PARD3B: variants seen among roughly 807,000 people sequenced by gnomAD.
PARD3B encodes the protein par-3 family cell polarity regulator beta.
Under a neutral mutation model 130.2 loss-of-function variants are expected in PARD3B, and 103 were observed. That is an observed-to-expected ratio of 0.79 (90% CI 0.67 to 0.93). PARD3B has a LOEUF of 0.93. Ranked by LOEUF, PARD3B falls within the 40% of genes least tolerant of loss-of-function variation. The pLI is 0.00. For synonymous variants in PARD3B, 583 were observed against 553.2 expected (o/e 1.05, Z -0.76); for missense variants, 1,609 against 1,499.2 (o/e 1.07, Z -1.21).
chr2:204,599,526 T>G (rs1312002736), intron 1 of PARD3B, among the ~76,000 whole-genome samples: 1 of 152,018 alleles, frequency 6.6e-6, no homozygotes, highest in Non-Finnish European at 1.5e-5. Flanking sequence ...ATTTTATCCT[T>G]TTTTATGGCT....
chr2:205,576,390 T>G (rs1304850260), intron 22 of PARD3B, among the ~76,000 whole-genome samples: 1 of 152,110 alleles, frequency 6.6e-6, no homozygotes, highest in Non-Finnish European at 1.5e-5. Context: ...TCATCTAGGT[T>G]TTCTCCTATT....
intron 21 of PARD3B, among the ~76,000 whole-genome samples, chr2:205,523,853 A>G (rs1344360316): frequency 6.9e-6 from 1 of 144,298 alleles, no homozygotes; most frequent in Non-Finnish European, 1.5e-5. Context: ...TTAGTTCAGG[A>G]AGAATAGGCA....
intron 19 of PARD3B, among the ~76,000 whole-genome samples, chr2:205,435,841 G>A (rs149877945): frequency 9.2e-5 from 14 of 151,954 alleles, no homozygotes; most frequent in African/African-American, 3.1e-4. Context: ...CAGATATTTA[G>A]TCTTAGTTTT....
intron 13 of PARD3B, among the ~76,000 whole-genome samples, chr2:205,184,121 G>C (rs1313441720): frequency 6.6e-6 from 1 of 152,088 alleles, no homozygotes; most frequent in African/African-American, 2.4e-5. Context: ...CATTAGAGGG[G>C]ACAGTCTACT....
At chr2:205,220,690 G>T (rs184384852) in intron 15 of PARD3B, among the ~76,000 whole-genome samples, 1 of 152,312 alleles carries the variant, frequency 6.6e-6, no homozygotes, top group Admixed American at 6.5e-5. Flanking sequence ...TGGACAGTCA[G>T]GGTTGGGAGG....
intron 1 of PARD3B, among the ~76,000 whole-genome samples, chr2:204,561,173 G>C (rs79238604): frequency 0.014 from 2,148 of 152,242 alleles, 15 homozygotes; most frequent in Non-Finnish European, 0.024. Context: ...TCCTGAGTTC[G>C]TAAAGATGCC....
chr2:205,005,994 C>T (rs1695232912), intron 3 of PARD3B, among the ~76,000 whole-genome samples: 1 of 152,170 alleles, frequency 6.6e-6, no homozygotes, highest in African/African-American at 2.4e-5. Flanking sequence ...CCCCGAAGTT[C>T]ATTATATTAG....
chr2:204,926,549 G>C (rs947420504), intron 2 of PARD3B, among the ~76,000 whole-genome samples: 3 of 152,058 alleles, frequency 2.0e-5, no homozygotes, highest in Non-Finnish European at 4.4e-5. Flanking sequence ...AAGCCCCAGC[G>C]CAGTACTATG....
In PARD3B at chr2:205,172,242, T is replaced by A. The variant is rs746242277; in HGVS notation, c.1652T>A (p.Ile551Asn). The change falls in exon 12 of 23, where the codon ATT becomes AAT. Residue 551 changes from isoleucine to asparagine, a missense_variant. Transcript: ENST00000406610. ...CGTCTGCGAATGAATGACCAGCTGA[T>A]TGCAGTTAATGGGGAATCTCTTTTG... ...DGRLRMNDQL[I>N]AVNGESLLGK... is the part of the protein sequence containing the mutation. 3.1e-6 allele frequency: 5 copies of A among 1,614,086 alleles called. No individual in the cohort carries two copies. The highest frequency in any genetic ancestry group is 3.4e-6 in the Non-Finnish European group (4 of 1,180,034).
At chr2:205,544,712 C>T (rs1203557181) in intron 21 of PARD3B, among the ~76,000 whole-genome samples, 1 of 152,190 alleles carries the variant, frequency 6.6e-6, no homozygotes, top group East Asian at 1.9e-4. Flanking sequence ...CCAATAAATA[C>T]TTTATAATTT....
chr2:204,870,158 A>G lies in PARD3B; in HGVS notation c.223-94994A>G, dbSNP rs377186186. On this transcript the variant is annotated intron_variant, in intron 2 of 22. Coordinates refer to ENST00000406610, the MANE Select transcript of PARD3B (RefSeq NM_001302769.2). ...TTCTTGCCCTTTTCCAAGGCCCCCA[A>G]TATAAGCATTTTGGATGGGGTGGTA... Among the ~76,000 whole-genome samples the G allele has an allele frequency of 3.9e-5, 6 of 152,182 alleles. No homozygotes were observed. The South Asian group carries it at 1.2e-3, about 32-fold the overall frequency.
chr2:204,946,519 A>G (rs1447939847), intron 2 of PARD3B, among the ~76,000 whole-genome samples: 1 of 152,092 alleles, frequency 6.6e-6, no homozygotes, highest in Non-Finnish European at 1.5e-5. Context: ...TACAACCTCT[A>G]TGTAATTGTA....
At chr2:204,583,602 G>T (rs1419603757) in intron 1 of PARD3B, among the ~76,000 whole-genome samples, 3 of 121,054 alleles carry the variant, frequency 2.5e-5, no homozygotes, top group African/African-American at 3.3e-5. Context: ...ATGTGCACAT[G>T]TACCCTAAAA....
intron 18 of PARD3B, among the ~76,000 whole-genome samples, chr2:205,381,409 A>G (rs571748594): frequency 3.8e-4 from 57 of 151,320 alleles, no homozygotes; most frequent in African/African-American, 1.3e-3. Context: ...TCTGCTAATT[A>G]CATATGTCGT....
intron 3 of PARD3B, among the ~76,000 whole-genome samples, chr2:204,998,190 G>A (rs1694404644): frequency 6.7e-6 from 1 of 148,708 alleles, no homozygotes; most frequent in Non-Finnish European, 1.5e-5. Flanking sequence ...TCTAGGAGAG[G>A]GATAGCATTA....
rs954164816 is a variant in PARD3B, at chr2:205,292,683, C to T, written c.2186-7847C>T. Among the ~76,000 whole-genome samples the T allele has an allele frequency of 6.6e-6, 1 of 152,162 alleles. No homozygotes were observed. The highest frequency in any genetic ancestry group is 1.5e-5 in the Non-Finnish European group (1 of 68,034). ...ATTGCTCTCATTAAGTTATTTTATC[C>T]TGCCCATCCTCCCACCTTTTTTTCT... On this transcript the variant is annotated intron_variant, in intron 16 of 22. Transcript: ENST00000406610. The surrounding 1 kb of genome is among the most constrained non-coding windows in gnomAD (Gnocchi z 5.3).
rs73984426 is a variant in PARD3B at position 204,917,307 on chromosome 2, C to G, written c.223-47845C>G. On this transcript the variant is annotated intron_variant, in intron 2 of 22. Transcript: ENST00000406610. Reference sequence around the variant, plus strand: ...TGAGGAATGACAAGGTCTTGTGGCACTGGGAGGTTGTGCAGGGTAGAAGCT... The same window carrying G: ...TGAGGAATGACAAGGTCTTGTGGCAGTGGGAGGTTGTGCAGGGTAGAAGCT... 6.2e-3 allele frequency among the ~76,000 whole-genome samples: 951 copies of G among 152,216 alleles called. 7 individuals carry two copies. Among genetic ancestry groups the G allele is most frequent in the African/African-American group, 0.022 (906 of 41,556 alleles).
intron 2 of PARD3B, among the ~76,000 whole-genome samples, chr2:204,830,452 G>A (rs1225636191): frequency 6.6e-6 from 1 of 152,174 alleles, no homozygotes; most frequent in Non-Finnish European, 1.5e-5. Flanking sequence ...GAATTCATTT[G>A]ATGTGATCTT....
At chr2:205,479,073 T>C (rs933013683) in intron 20 of PARD3B, among the ~76,000 whole-genome samples, 4 of 152,178 alleles carry the variant, frequency 2.6e-5, no homozygotes, top group African/African-American at 7.2e-5. Context: ...CTGTGGAATA[T>C]GTGTAAATGG....
Sources: gnomAD v4.1 joint callset for allele counts (sites outside exome capture counted in the v4.1 genomes callset) on GRCh38, gnomAD v4.1.1 for gene constraint, Gnocchi (gnomAD v3.1) non-coding constraint, MANE v1.5 for transcripts, NCBI Gene and HGNC (gene_info 2026-07-23, HGNC 2026-07-21) for gene names.